Variants in INO80E observed in about 807,000 individuals in gnomAD.
INO80E encodes the protein INO80 complex subunit E, also known as coiled-coil domain containing 95.
Under a neutral mutation model 27.3 loss-of-function variants are expected in INO80E, and 20 were observed. The ratio of observed to expected loss-of-function variants is 0.73; its 90% CI spans 0.51 to 1.06. The LOEUF is 1.06. Ranked by LOEUF, INO80E falls within the 50% of genes least tolerant of loss-of-function variation. The pLI, the probability that INO80E is intolerant of heterozygous loss-of-function variation, is 0.00. For missense variants in INO80E, 357 were observed against 322.8 expected, an observed-to-expected ratio of 1.11 and a Z score of -0.81; for synonymous variants, 167 against 145.9, an observed-to-expected ratio of 1.14 and a Z score of -1.04.
At chr16:30,001,206 G>GT in intron 5 of INO80E, 166 bp downstream of exon 5, 1 of 1,482,422 alleles carries the variant, frequency 6.7e-7, no homozygotes, top group South Asian at 1.4e-5. Flanking sequence ...CTTCTCTCTG[G>GT]TATAGGAACG....
At position 29,996,334 on chromosome 16, in the gene INO80E, A is replaced by G. The variant is rs1356435376; in HGVS notation, c.24A>G (p.Glu8=). 9 of 1,597,310 alleles carry G rather than the reference A, an allele frequency of 5.6e-6. No homozygotes were observed. The Admixed American group carries it at 1.2e-4, about 22-fold the overall frequency. The change falls in exon 1 of 7, where the codon GAA becomes GAG. Residue 8 remains glutamate (E), a synonymous_variant. Transcript: ENST00000563197. ...TCATGAACGGGCCGGCGGACGGCGAAGTGGACTACAAAAAAAAATACCGGA... is the reference window on the plus strand; with the variant it reads ...TCATGAACGGGCCGGCGGACGGCGAGGTGGACTACAAAAAAAAATACCGGA... MNGPADG[E]VDYKKKYRNL... is the part of the protein sequence containing the mutation.
rs1351160964 is a variant in INO80E at position 29,996,259 on chromosome 16, A to T, written c.-52A>T. ...TGGAGGCGGGAGCGGCACGGCAGCC[A>T]CTGCTTGGGGTAGCGGGAGGGCAGA... On this transcript the variant is annotated 5_prime_UTR_variant, in exon 1 of 7. Coordinates refer to ENST00000563197, the MANE Select transcript of INO80E (RefSeq NM_173618.3). The T allele has an allele frequency of 3.3e-6, 5 of 1,523,646 alleles. No individual in the cohort carries two copies. In the South Asian group the frequency reaches 4.8e-5, roughly 15 times the overall value. The allele number at this position is 1,523,646 out of a possible 1,614,324, so 94.4% of individuals were successfully genotyped here. A position where few individuals can be genotyped will look rare whatever the true frequency, so the allele number is the denominator to read the frequency against.
At position 30,005,594 on chromosome 16, in the gene INO80E, T is replaced by G; in HGVS notation, c.*152T>G. ...CAGAAAAGGCGTAAACATGCACGGG[T>G]GTCCCCCAGGAGGGTGGCAGGGGCC... is the stretch of plus-strand genomic sequence containing the variant. On this transcript the variant is annotated 3_prime_UTR_variant, in exon 7 of 7. Transcript: ENST00000563197. 1 of 758,600 alleles carries G rather than the reference T, an allele frequency of 1.3e-6. No individual in the cohort carries two copies. Among genetic ancestry groups the G allele is most frequent in the Non-Finnish European group, 2.2e-6 (1 of 462,218 alleles). The allele number at this position is 758,600 out of a possible 1,614,324, so 47.0% of individuals were successfully genotyped here.
At chr16:30,002,530 A>C (rs1474573131) in intron 6 of INO80E, 1 of 152,868 alleles carries the variant, frequency 6.5e-6, no homozygotes, top group Non-Finnish European at 1.5e-5. Context: ...CAGAGGGTCC[A>C]GAGGGAGCTG....
Position 30,005,296 on chromosome 16 carries a change from G to T in INO80E, c.589G>T (p.Gly197Trp), listed in dbSNP as rs771968022. 5.5e-5 allele frequency: 82 copies of T among 1,487,932 alleles called. No individual in the cohort carries two copies. Among genetic ancestry groups the T allele is most frequent in the Non-Finnish European group, 6.6e-5 (74 of 1,120,702 alleles). 92.2% of individuals were successfully genotyped at this position (1,487,932 alleles called of 1,614,324 possible). The change falls in exon 7 of 7, where the codon GGG becomes TGG. Residue 197 changes from glycine to tryptophan, a missense_variant. Gly to Trp is a radical substitution (Grantham distance 184). Coordinates refer to ENST00000563197, the MANE Select transcript of INO80E (RefSeq NM_173618.3). ...TGGCCGGGGTTCTGGGGCTGGGGTCGGGACAACCCTGACCCCCCTCCCACC... is the reference window on the plus strand; with the variant it reads ...TGGCCGGGGTTCTGGGGCTGGGGTCTGGACAACCCTGACCCCCCTCCCACC... ...FPGRGSGAGV[G>W]TTLTPLPPPK...
chr16:29,999,454 T>A (rs560149253), intron 3 of INO80E: 1 of 152,292 alleles, frequency 6.6e-6, no homozygotes, highest in South Asian at 2.1e-4. Flanking sequence ...TTCAGCACAG[T>A]GTGAGGGCAG....
At position 29,996,378 on chromosome 16, in the gene INO80E, A is replaced by C. The variant is rs747901598; in HGVS notation, c.68A>C (p.Lys23Thr). The change falls in exon 1 of 7, where the codon AAG (lysine) becomes ACG (threonine). Residue 23 changes from lysine (K) to threonine (T), a missense_variant. By Grantham distance (78) the Lys-to-Thr change is moderately conservative (BLOSUM62 -1). Coordinates refer to ENST00000563197, the MANE Select transcript of INO80E (RefSeq NM_173618.3). ...TACCGGAATCTGAAGCGGAAGCTCAAGTTCCTCATCTACGTGAGTGCTGCC... is the reference window on the plus strand; with the variant it reads ...TACCGGAATCTGAAGCGGAAGCTCACGTTCCTCATCTACGTGAGTGCTGCC... ...KKYRNLKRKL[K>T]FLIYEHECFQ... is the part of the protein sequence containing the mutation. The C allele has an allele frequency of 6.3e-7, 1 of 1,593,516 alleles. No homozygotes were observed. Among genetic ancestry groups the C allele is most frequent in the Non-Finnish European group, 8.5e-7 (1 of 1,169,756 alleles).
intron 6 of INO80E, chr16:30,001,779 T>C (rs2070365537): frequency 4.3e-6 from 2 of 461,850 alleles, no homozygotes; most frequent in African/African-American, 2.0e-5. Flanking sequence ...ATGGCTGCAG[T>C]GTAGCGGGGC....
intron 1 of INO80E, 45 bp downstream of exon 1, chr16:29,996,436 G>A (rs1439283613): frequency 6.4e-7 from 1 of 1,558,096 alleles, no homozygotes; most frequent in Non-Finnish European, 8.7e-7. Context: ...GGCCTGGCGC[G>A]GACAAGATCT....
rs764718596 is a variant in INO80E, at chr16:30,000,709, G to A, written c.206-49G>A. 4.3e-5 allele frequency: 64 copies of A among 1,504,210 alleles called. No homozygotes were observed. The East Asian group carries it at 1.4e-3, about 32-fold the overall frequency. 93.2% of individuals were successfully genotyped at this position (1,504,210 alleles called of 1,614,324 possible). On this transcript the variant is annotated intron_variant, in intron 3 of 6. Coordinates refer to ENST00000563197, the MANE Select transcript of INO80E (RefSeq NM_173618.3). ...TGTAGAGGAGGTTATACCTTTCTGGGATGGACTGGGATCCCCCCATCCCCA... is the reference window on the plus strand; with the variant it reads ...TGTAGAGGAGGTTATACCTTTCTGGAATGGACTGGGATCCCCCCATCCCCA...
At chr16:29,996,480 C>CGGCCGCT in intron 1 of INO80E, 67 bp from the exon 2 acceptor site, 1 of 1,549,270 alleles carries the variant, frequency 6.5e-7, no homozygotes, top group South Asian at 1.2e-5. Flanking sequence ...GTGGGGCGAG[C>CGGCCGCT]GGCCGCTGGT....
intron 3 of INO80E, among the ~76,000 whole-genome samples, chr16:29,998,800 CT>C (rs1474824095): frequency 2.0e-5 from 3 of 152,172 alleles, no homozygotes; most frequent in African/African-American, 7.2e-5. Context: ...AATCCCAGCA[CT>C]TTGGGAGGCC....
intron 6 of INO80E, among the ~76,000 whole-genome samples, chr16:30,004,834 T>G (rs552372481): frequency 6.0e-5 from 9 of 150,774 alleles, no homozygotes; most frequent in African/African-American, 1.5e-4. Context: ...AGAGGAGGAG[T>G]AGGGAGAGGA....
chr16:30,001,367 C>G (rs1230178692), intron 5 of INO80E, 47 bp from the exon 6 acceptor site: 1 of 1,544,190 alleles, frequency 6.5e-7, no homozygotes, highest in Admixed American at 2.0e-5. Context: ...CCCACCCTCA[C>G]CCCGGTCCAT....
At position 30,000,846 on chromosome 16, in the gene INO80E, A is replaced by T. The variant is rs1284815206; in HGVS notation, c.284+10A>T. Reference sequence around the variant, plus strand: ...CACCGGCCCCTAAGAGGTGAGAAGAAGATGCATTCCTCTCGCTGGGGAGGG... The same window carrying T: ...CACCGGCCCCTAAGAGGTGAGAAGATGATGCATTCCTCTCGCTGGGGAGGG... On this transcript the variant is annotated intron_variant, in intron 4 of 6. Transcript: ENST00000563197. 10 of 1,613,660 alleles carry T rather than the reference A, an allele frequency of 6.2e-6. No individual in the cohort carries two copies. The highest frequency in any genetic ancestry group is 6.8e-6 in the Non-Finnish European group (8 of 1,179,644).
chr16:29,999,436 C>T (rs1332360591), intron 3 of INO80E: 5 of 152,240 alleles, frequency 3.3e-5, no homozygotes, highest in South Asian at 2.1e-4. Context: ...CACTCGCAAA[C>T]GACGCTTTTC....
chr16:30,001,658 A>T, intron 6 of INO80E, 128 bp downstream of exon 6: 2 of 827,052 alleles, frequency 2.4e-6, no homozygotes, highest in Non-Finnish European at 3.8e-6. Context: ...AGCACTTAGC[A>T]CTGAGGGGTG....
chr16:29,996,934 T>C, intron 3 of INO80E, 74 bp downstream of exon 3: 1 of 1,455,492 alleles, frequency 6.9e-7, no homozygotes, highest in African/African-American at 1.4e-5. Context: ...CCCCCGCCTT[T>C]TAGGCAGTGG....
chr16:29,996,527 AC>A lies in INO80E; in HGVS notation c.82-16del. On this transcript the variant is annotated intron_variant, in intron 1 of 6. Coordinates refer to ENST00000563197, the MANE Select transcript of INO80E (RefSeq NM_173618.3). ...TCACGGAGGACCGTTGGCCCAGCGCACCCCTTGCCCGTGATACAGGAGCACG... is the reference window on the plus strand; with the variant it reads ...TCACGGAGGACCGTTGGCCCAGCGCACCCTTGCCCGTGATACAGGAGCACG... The A allele has an allele frequency of 1.3e-6, 2 of 1,557,990 alleles. No homozygotes were observed. Among genetic ancestry groups the A allele is most frequent in the Non-Finnish European group, 8.7e-7 (1 of 1,150,670 alleles).
Sources: allele counts gnomAD v4.1 joint callset (sites outside exome capture counted in the v4.1 genomes callset), GRCh38; gene constraint gnomAD v4.1.1; transcripts MANE v1.5; gene names NCBI Gene and HGNC (gene_info 2026-07-23, HGNC 2026-07-21).